Variants in OSTF1 observed in about 807,000 individuals in gnomAD.
The protein encoded by OSTF1 is osteoclast stimulating factor 1, also known as osteoclast-stimulating factor 1.
OSTF1 carries 27 observed loss-of-function variants against 37.2 expected under a neutral mutation model. The ratio of observed to expected loss-of-function variants is 0.73; its 90% CI spans 0.54 to 1.00. The LOEUF (loss-of-function observed/expected upper bound fraction) is 1.00. OSTF1 is among the 50% of genes least tolerant of loss of function. The pLI is 0.00. For missense variants in OSTF1, 232 were observed against 253.8 expected (o/e 0.91, Z 0.58); for synonymous variants, 82 against 89.2 (o/e 0.92, Z 0.46).
chr9:75,121,679 T>A (rs1825582832), intron 2 of OSTF1, among the ~76,000 whole-genome samples: 1 of 152,200 alleles, frequency 6.6e-6, no homozygotes, highest in Admixed American at 6.5e-5. Flanking sequence ...TAGTCTTATC[T>A]TCTTTTTCTG....
intron 1 of OSTF1, among the ~76,000 whole-genome samples, chr9:75,107,887 T>C (rs761009739): frequency 2.0e-5 from 3 of 152,180 alleles, no homozygotes; most frequent in Non-Finnish European, 2.9e-5. Context: ...CTCATCACTT[T>C]AGCAGCATCA....
intron 1 of OSTF1, among the ~76,000 whole-genome samples, chr9:75,089,834 C>G (rs183787471): frequency 1.3e-5 from 2 of 152,306 alleles, no homozygotes; most frequent in East Asian, 3.9e-4. Context: ...AACTCTATAG[C>G]TTTCATACTT....
chr9:75,112,705 A>G lies in OSTF1; in HGVS notation c.35-4799A>G, dbSNP rs551118050. On this transcript the variant is annotated intron_variant, in intron 1 of 9. Coordinates refer to ENST00000346234, the MANE Select transcript of OSTF1 (RefSeq NM_012383.5). ...AAATCAGTGGTTTAGTCACATCCAC[A>G]TATTTGTTTTCAGGTTCTGTAATTT... 3.9e-5 allele frequency among the ~76,000 whole-genome samples: 6 copies of G among 152,344 alleles called. No homozygotes were observed. In the South Asian group the frequency reaches 8.3e-4, roughly 21 times the overall value.
chr9:75,130,550 C>G, intron 3 of OSTF1, 28 bp from the exon 4 acceptor site: 1 of 1,490,898 alleles, frequency 6.7e-7, no homozygotes, highest in Non-Finnish European at 9.4e-7. Context: ...GGATTTCATA[C>G]CACTTAATTT....
intron 1 of OSTF1, among the ~76,000 whole-genome samples, chr9:75,094,555 C>T (rs945548165): frequency 1.3e-5 from 2 of 152,004 alleles, no homozygotes; most frequent in African/African-American, 2.4e-5. Context: ...ATTTGACTTA[C>T]GTGACTAGTG....
rs538786380 is a variant in OSTF1, at chr9:75,140,891, A to G, written c.545A>G (p.Asn182Ser). The G allele has an allele frequency of 6.4e-5, 104 of 1,613,840 alleles. No homozygotes were observed. Among genetic ancestry groups the G allele is most frequent in the South Asian group, 3.7e-4 (34 of 91,078 alleles). Reference protein sequence around the residue: ...EKKLAFDMATNAACASLLKKK... With the variant: ...EKKLAFDMATSAACASLLKKK... ...AAGCTGGCCTTCGACATGGCTACCA[A>G]TGCTGCCTGTGCATCTCTCCTGAAA... is the stretch of plus-strand genomic sequence containing the variant. The change falls in exon 9 of 10, where the codon AAT (asparagine) becomes AGT (serine). Residue 182 changes from asparagine (N) to serine (S), a missense_variant. By Grantham distance (46) the Asn-to-Ser change is conservative. Coordinates refer to ENST00000346234, the MANE Select transcript of OSTF1 (RefSeq NM_012383.5).
chr9:75,104,640 C>G (rs10869501), intron 1 of OSTF1, among the ~76,000 whole-genome samples: 44,851 of 152,052 alleles, frequency 0.29, 7,021 homozygotes, highest in African/African-American at 0.4. Flanking sequence ...CGATAATACT[C>G]TCTTGCCAGT....
intron 8 of OSTF1, among the ~76,000 whole-genome samples, chr9:75,139,776 C>T (rs1231724131): frequency 6.6e-6 from 1 of 152,196 alleles, no homozygotes; most frequent in Non-Finnish European, 1.5e-5. Flanking sequence ...GGAGGTATTA[C>T]AACTGATACC....
chr9:75,118,148 G>T (rs947832157), intron 2 of OSTF1, among the ~76,000 whole-genome samples: 1 of 152,164 alleles, frequency 6.6e-6, no homozygotes, highest in Non-Finnish European at 1.5e-5. Context: ...GACTGTCAGG[G>T]GCTAAGTACT....
intron 1 of OSTF1, among the ~76,000 whole-genome samples, chr9:75,111,616 A>G (rs1825389565): frequency 6.6e-6 from 1 of 152,044 alleles, no homozygotes; most frequent in South Asian, 2.1e-4. Flanking sequence ...TTCCAGGGTA[A>G]TTTCAGGTTA....
chr9:75,111,896 T>C (rs954013652), intron 1 of OSTF1, among the ~76,000 whole-genome samples: 1 of 126,642 alleles, frequency 7.9e-6, no homozygotes, highest in Non-Finnish European at 1.6e-5. Flanking sequence ...TGATCTCGGC[T>C]CACTACCACC....
At chr9:75,117,886 C>A (rs974178689) in intron 2 of OSTF1, among the ~76,000 whole-genome samples, 4 of 152,226 alleles carry the variant, frequency 2.6e-5, no homozygotes, top group Admixed American at 6.5e-5. Flanking sequence ...CTCCTCTTGA[C>A]CCTCTACCTC....
At chr9:75,104,609 T>C (rs1158819967) in intron 1 of OSTF1, among the ~76,000 whole-genome samples, 1 of 152,174 alleles carries the variant, frequency 6.6e-6, no homozygotes, top group African/African-American at 2.4e-5. Flanking sequence ...ATAAATTTTC[T>C]AATATACAGG....
intron 2 of OSTF1, among the ~76,000 whole-genome samples, chr9:75,126,624 C>T (rs896404886): frequency 2.6e-5 from 4 of 152,046 alleles, no homozygotes; most frequent in South Asian, 4.1e-4. Context: ...GACGGAGTCT[C>T]GCTCTGTCAC....
intron 1 of OSTF1, among the ~76,000 whole-genome samples, chr9:75,112,770 T>C (rs1825414169): frequency 6.6e-6 from 1 of 152,236 alleles, no homozygotes; most frequent in Non-Finnish European, 1.5e-5. Context: ...TCGCATGGGA[T>C]CTTGTTTCCA....
At chr9:75,113,199 A>G (rs1283695452) in intron 1 of OSTF1, among the ~76,000 whole-genome samples, 5 of 152,114 alleles carry the variant, frequency 3.3e-5, no homozygotes. Flanking sequence ...CCTCCTCCCA[A>G]TCCCAAATCA....
intron 1 of OSTF1, among the ~76,000 whole-genome samples, chr9:75,105,896 T>C (rs545302052): frequency 6.6e-6 from 1 of 152,306 alleles, no homozygotes; most frequent in South Asian, 2.1e-4. Flanking sequence ...CATCAAGATG[T>C]AAAAGTAAAC....
intron 1 of OSTF1, among the ~76,000 whole-genome samples, chr9:75,092,458 A>G (rs1248377750): frequency 2.0e-5 from 3 of 152,254 alleles, no homozygotes; most frequent in African/African-American, 7.2e-5. Flanking sequence ...TCCTGAGTCT[A>G]ATGGGGAAGA....
intron 2 of OSTF1, among the ~76,000 whole-genome samples, chr9:75,126,670 C>T (rs999376384): frequency 3.9e-5 from 6 of 152,184 alleles, no homozygotes; most frequent in East Asian, 1.9e-4. Context: ...CTCAGCTCAC[C>T]GCAACCTCTG....
Sources: allele counts gnomAD v4.1 joint callset (sites outside exome capture counted in the v4.1 genomes callset), GRCh38; gene constraint gnomAD v4.1.1; transcripts MANE v1.5; gene names NCBI Gene and HGNC (gene_info 2026-07-23, HGNC 2026-07-21).